Variants in CALN1 observed in about 807,000 individuals in gnomAD.
CALN1 encodes the protein calneuron 1.
CALN1 carries 17 observed loss-of-function variants against 30.6 expected under a neutral mutation model. That is an observed-to-expected ratio of 0.56 (90% CI 0.38 to 0.83). CALN1 has a LOEUF of 0.83. Among genes scored for constraint, CALN1 ranks in the 40% least tolerant of loss-of-function variants. CALN1 has a pLI of 0.00. For missense variants in CALN1, 291 were observed against 354.9 expected (o/e 0.82, Z 1.45); for synonymous variants, 156 against 131.4 (o/e 1.19, Z -1.28).
chr7:72,440,278 C>T (rs1006485505), intron 1 of CALN1, among the ~76,000 whole-genome samples: 1 of 152,200 alleles, frequency 6.6e-6, no homozygotes, highest in African/African-American at 2.4e-5. Context: ...AAGATGTATT[C>T]ACCCATACAA....
intron 2 of CALN1, among the ~76,000 whole-genome samples, chr7:72,371,496 T>G (rs1227359359): frequency 6.6e-6 from 1 of 152,172 alleles, no homozygotes; most frequent in African/African-American, 2.4e-5. Context: ...TGCTTGGCAC[T>G]TCTCCTTCCT....
At chr7:72,412,010 G>C (rs1807197285) in intron 1 of CALN1, 48 bp downstream of exon 1, 1 of 152,138 alleles carries the variant, frequency 6.6e-6, no homozygotes, top group Admixed American at 6.5e-5. Flanking sequence ...GCCCAGCTGG[G>C]AACTGCATGC....
chr7:71,845,532 G>A (rs1790178693), intron 5 of CALN1, among the ~76,000 whole-genome samples: 1 of 152,112 alleles, frequency 6.6e-6, no homozygotes, highest in Non-Finnish European at 1.5e-5. Flanking sequence ...CTGCTGTTTG[G>A]CCTTATTGCA....
intron 5 of CALN1, among the ~76,000 whole-genome samples, chr7:71,952,118 G>C (rs17426950): frequency 0.17 from 25,503 of 152,144 alleles, 2,382 homozygotes; most frequent in Non-Finnish European, 0.23. Flanking sequence ...GAAAAATGAA[G>C]AGTCTGCCCA....
At chr7:72,162,862 G>A (rs1006004231) in intron 3 of CALN1, among the ~76,000 whole-genome samples, 1 of 152,218 alleles carries the variant, frequency 6.6e-6, no homozygotes, top group African/African-American at 2.4e-5. Flanking sequence ...AAGTCTTAAT[G>A]GATCAAGGTG....
chr7:72,372,049 G>A (rs752136565), intron 2 of CALN1, among the ~76,000 whole-genome samples: 29 of 152,294 alleles, frequency 1.9e-4, no homozygotes, highest in Non-Finnish European at 2.4e-4. Context: ...AAAGTTGAAC[G>A]TAGGTATTAG....
At chr7:72,252,932 A>G (rs950820553) in intron 3 of CALN1, among the ~76,000 whole-genome samples, 3 of 152,216 alleles carry the variant, frequency 2.0e-5, no homozygotes, top group Non-Finnish European at 4.4e-5. Context: ...TGAATGAATG[A>G]GCAAATCAAT....
chr7:72,224,460 T>C (rs1199892431), intron 3 of CALN1, among the ~76,000 whole-genome samples: 2 of 152,154 alleles, frequency 1.3e-5, no homozygotes, highest in African/African-American at 4.8e-5. Flanking sequence ...ACCCGTGAAC[T>C]AAAGGAAGAC....
intron 5 of CALN1, among the ~76,000 whole-genome samples, chr7:71,898,004 GGA>G (rs1562882087): frequency 1.2e-5 from 1 of 86,282 alleles, no homozygotes; most frequent in Non-Finnish European, 2.2e-5. Flanking sequence ...AGAGAGAGAG[GGA>G]GGGAGGGGGG....
chr7:72,002,287 C>A (rs972557137), intron 5 of CALN1, among the ~76,000 whole-genome samples: 2 of 152,156 alleles, frequency 1.3e-5, no homozygotes, highest in Non-Finnish European at 2.9e-5. Context: ...TTAGCCTAAC[C>A]TACCTTAAAC....
At chr7:71,808,025 G>C (rs1482105171) in intron 6 of CALN1, among the ~76,000 whole-genome samples, 1 of 152,140 alleles carries the variant, frequency 6.6e-6, no homozygotes, top group Admixed American at 6.5e-5. Context: ...AGTGAGCAGA[G>C]ATTGCGCCAC....
At chr7:72,332,829 C>G (rs1801764471) in intron 2 of CALN1, among the ~76,000 whole-genome samples, 1 of 152,176 alleles carries the variant, frequency 6.6e-6, no homozygotes, top group African/African-American at 2.4e-5. Context: ...CCATCCTCCC[C>G]ACCATGGCCT....
chr7:72,100,404 A>G (rs1305867506), intron 4 of CALN1, among the ~76,000 whole-genome samples: 3 of 152,108 alleles, frequency 2.0e-5, no homozygotes, highest in East Asian at 1.9e-4. Context: ...CCGGTCTTAA[A>G]TTCCTGGCCT....
intron 5 of CALN1, among the ~76,000 whole-genome samples, chr7:71,872,279 G>A (rs2116743231): frequency 6.6e-6 from 1 of 152,298 alleles, no homozygotes; most frequent in East Asian, 1.9e-4. Flanking sequence ...CATAGTAGGT[G>A]TTCAGTAAGT....
chr7:71,952,879 G>T lies in CALN1; in HGVS notation c.501+70778C>A, dbSNP rs566853616. Among the ~76,000 whole-genome samples the T allele has an allele frequency of 9.9e-5, 15 of 152,140 alleles. No homozygotes were observed. In the South Asian group the frequency reaches 2.9e-3, roughly 30 times the overall value. On this transcript the variant is annotated intron_variant, in intron 5 of 6. Coordinates refer to ENST00000395275, the MANE Select transcript of CALN1 (RefSeq NM_031468.4). ...TTCTAATCCCCAGAAAGTCTTCTTCGATTCCTCTAATAGGAGAAAGTGCCT... is the reference window on the plus strand; with the variant it reads ...TTCTAATCCCCAGAAAGTCTTCTTCTATTCCTCTAATAGGAGAAAGTGCCT...
chr7:72,327,453 C>T (rs772629894), intron 2 of CALN1, among the ~76,000 whole-genome samples: 1 of 152,204 alleles, frequency 6.6e-6, no homozygotes, highest in Non-Finnish European at 1.5e-5. Context: ...CACGGCACTG[C>T]ACTCCAGCCT....
At chr7:72,445,318 C>G (rs768004650) in intron 1 of CALN1, among the ~76,000 whole-genome samples, 2 of 152,262 alleles carry the variant, frequency 1.3e-5, no homozygotes, top group Non-Finnish European at 2.9e-5. Flanking sequence ...ACCTTCTCCA[C>G]TGAACGGTCT....
chr7:72,444,680 G>A (rs1439571589), intron 1 of CALN1, among the ~76,000 whole-genome samples: 1 of 152,128 alleles, frequency 6.6e-6, no homozygotes, highest in African/African-American at 2.4e-5. Flanking sequence ...TTGTGTTAAT[G>A]TTGACTTAAC....
At chr7:72,315,638 G>A (rs1300925134) in intron 2 of CALN1, among the ~76,000 whole-genome samples, 1 of 151,700 alleles carries the variant, frequency 6.6e-6, no homozygotes, top group Non-Finnish European at 1.5e-5. Context: ...CCAGGAGTTC[G>A]AGGCTGCAGT....
Sources: gnomAD v4.1 joint callset for allele counts (sites outside exome capture counted in the v4.1 genomes callset) on GRCh38, gnomAD v4.1.1 for gene constraint, MANE v1.5 for transcripts, NCBI Gene and HGNC (gene_info 2026-07-23, HGNC 2026-07-21) for gene names.